FZD3: variants seen among roughly 807,000 people sequenced by gnomAD.
FZD3 encodes frizzled-3.
FZD3 carries 30 observed loss-of-function variants against 60.7 expected under a neutral mutation model. The observed-to-expected ratio is 0.49, with a 90% CI of 0.37 to 0.67. The LOEUF is 0.67. Among genes scored for constraint, FZD3 ranks in the 30% least tolerant of loss-of-function variants. The pLI is 0.00. For synonymous variants in FZD3, 246 were observed against 275.2 expected, an observed-to-expected ratio of 0.89 and a Z score of 1.05; for missense variants, 605 against 838.7, an observed-to-expected ratio of 0.72 and a Z score of 3.44.
At chr8:28,521,309 C>T (rs1387360697) in intron 4 of FZD3, among the ~76,000 whole-genome samples, 1 of 151,906 alleles carries the variant, frequency 6.6e-6, no homozygotes, top group Non-Finnish European at 1.5e-5. Context: ...TGCAGTATAT[C>T]GACTATAAGC....
At chr8:28,525,680 C>G (rs1804697646) in intron 4 of FZD3, among the ~76,000 whole-genome samples, 1 of 152,014 alleles carries the variant, frequency 6.6e-6, no homozygotes, top group African/African-American at 2.4e-5. Context: ...AGATGAGAAG[C>G]CATTAGAGGG....
chr8:28,497,164 GT>G (rs1803865622), intron 1 of FZD3, among the ~76,000 whole-genome samples: 1 of 152,184 alleles, frequency 6.6e-6, no homozygotes, highest in African/African-American at 2.4e-5. Context: ...CTGTGTGTGT[GT>G]TTTAAGCCTT....
intron 3 of FZD3, 104 bp from the exon 4 acceptor site, chr8:28,520,534 C>A: frequency 1.4e-6 from 1 of 704,184 alleles, no homozygotes; most frequent in Admixed American, 2.9e-5. Flanking sequence ...TTTAATAACC[C>A]TCAGAATTTT....
chr8:28,525,911 A>G (rs912194716), intron 4 of FZD3, among the ~76,000 whole-genome samples: 5 of 90,782 alleles, frequency 5.5e-5, no homozygotes, highest in Non-Finnish European at 1.1e-4. Context: ...GGTAGATTTC[A>G]TAGGTATATG....
chr8:28,518,431 C>G (rs1281835469), intron 3 of FZD3, among the ~76,000 whole-genome samples: 1 of 152,254 alleles, frequency 6.6e-6, no homozygotes, highest in African/African-American at 2.4e-5. Context: ...GTCTCTGCCT[C>G]TGATTTGTCT....
At chr8:28,506,165 T>A (rs1326520575) in intron 3 of FZD3, among the ~76,000 whole-genome samples, 1 of 152,156 alleles carries the variant, frequency 6.6e-6, no homozygotes, top group Non-Finnish European at 1.5e-5. Context: ...CCACCTATTA[T>A]CAGGTATTTA....
intron 3 of FZD3, among the ~76,000 whole-genome samples, chr8:28,515,925 A>G (rs1251573920): frequency 6.6e-6 from 1 of 152,060 alleles, no homozygotes; most frequent in East Asian, 1.9e-4. Context: ...CAGGTTGCCA[A>G]TTTTTTTCTT....
chr8:28,499,822 CTT>C, intron 1 of FZD3, 109 bp from the exon 2 acceptor site: 1 of 151,952 alleles, frequency 6.6e-6, no homozygotes, highest in South Asian at 2.1e-4. Context: ...ATGTCCTTTG[CTT>C]ATTTTTCTAT....
chr8:28,525,724 G>T (rs1233561843), intron 4 of FZD3, among the ~76,000 whole-genome samples: 1 of 152,146 alleles, frequency 6.6e-6, no homozygotes, highest in African/African-American at 2.4e-5. Context: ...GTGAACACAG[G>T]AGCAGCATAT....
In FZD3 at chr8:28,527,653, T is replaced by C; in HGVS notation, c.893T>C (p.Met298Thr). Residue 298 changes from methionine (M) to threonine (T), a missense_variant, in exon 5 of 8, where the codon ATG becomes ACG. Transcript: ENST00000240093. This position sits in a 1 kb window ranked among gnomAD's most constrained non-coding sequence, Gnocchi z 5.0. ...MLFMILYFFT[M>T]AGSVWWVILT... ...TTTATGATACTCTATTTTTTTACTA[T>C]GGCTGGCAGTGTATGGTGGGTAATT... The C allele has an allele frequency of 6.2e-7, 1 of 1,614,128 alleles. No homozygotes were observed. Among genetic ancestry groups the C allele is most frequent in the Non-Finnish European group, 8.5e-7 (1 of 1,179,994 alleles).
chr8:28,503,785 A>G (rs763020934), intron 3 of FZD3, among the ~76,000 whole-genome samples: 1 of 152,316 alleles, frequency 6.6e-6, no homozygotes, highest in Admixed American at 6.5e-5. Flanking sequence ...GGTAATGACC[A>G]TAGGCTTTGA....
intron 1 of FZD3, among the ~76,000 whole-genome samples, chr8:28,499,502 A>G (rs909617257): frequency 2.0e-5 from 3 of 152,066 alleles, no homozygotes; most frequent in Admixed American, 6.6e-5. Context: ...GTTGTGCATC[A>G]TGTGTACTTA....
intron 5 of FZD3, among the ~76,000 whole-genome samples, chr8:28,543,402 A>G (rs1260667991): frequency 6.7e-6 from 1 of 150,220 alleles, no homozygotes; most frequent in African/African-American, 2.5e-5. Context: ...TTTTTTTGAG[A>G]TGGAGTGTCA....
chr8:28,533,170 T>C (rs1264595820), intron 5 of FZD3, among the ~76,000 whole-genome samples: 2 of 152,044 alleles, frequency 1.3e-5, no homozygotes, highest in African/African-American at 2.4e-5. Context: ...GTTCTTTTTT[T>C]CCCCCCATGA....
chr8:28,507,291 C>T (rs1400159588), intron 3 of FZD3, among the ~76,000 whole-genome samples: 2 of 151,952 alleles, frequency 1.3e-5, no homozygotes, highest in Non-Finnish European at 2.9e-5. Flanking sequence ...TATAGAGTTT[C>T]CCATAGTCTT....
rs755653602 is a variant in FZD3 at position 28,564,280 on chromosome 8, A to G, written c.*1269A>G. 1 of 152,266 alleles carries G rather than the reference A, an allele frequency of 6.6e-6. No homozygotes were observed. Among genetic ancestry groups the G allele is most frequent in the South Asian group, 2.1e-4 (1 of 4,820 alleles). The allele number at this position is 152,266 out of a possible 1,614,324, so 9.4% of individuals were successfully genotyped here. ...AACTGTAAAACTTATTAGGCATGAA[A>G]TCAATCAGAAGAGAAAGAAAAATGC... On this transcript the variant is annotated 3_prime_UTR_variant, in exon 8 of 8. Coordinates refer to ENST00000240093, the MANE Select transcript of FZD3 (RefSeq NM_017412.4).
intron 5 of FZD3, among the ~76,000 whole-genome samples, chr8:28,550,235 C>CA: frequency 6.6e-6 from 1 of 151,694 alleles, no homozygotes; most frequent in South Asian, 2.1e-4. Context: ...TGTTAAATTA[C>CA]ATTTTCCTAT....
rs1200497780 is a variant in FZD3, at chr8:28,565,899, A to C, written c.*2888A>C. On this transcript the variant is annotated 3_prime_UTR_variant, in exon 8 of 8. Transcript: ENST00000240093. Reference sequence around the variant, plus strand: ...TAGTGTTTTCTTTTTTCAGTTGACAACTGAGAAAATAATAGTTCTCTCTAA... The same window carrying C: ...TAGTGTTTTCTTTTTTCAGTTGACACCTGAGAAAATAATAGTTCTCTCTAA... The C allele has an allele frequency of 6.6e-6, 1 of 152,258 alleles. No individual in the cohort carries two copies. Among genetic ancestry groups the C allele is most frequent in the South Asian group, 2.1e-4 (1 of 4,828 alleles). The allele number at this position is 152,258 out of a possible 1,614,324, so 9.4% of individuals were successfully genotyped here.
At chr8:28,511,091 C>T (rs1377080807) in intron 3 of FZD3, among the ~76,000 whole-genome samples, 1 of 151,862 alleles carries the variant, frequency 6.6e-6, no homozygotes, top group Non-Finnish European at 1.5e-5. Context: ...GTGGCTCATG[C>T]CTGTAATCCC....
Sources: allele counts gnomAD v4.1 joint callset (sites outside exome capture counted in the v4.1 genomes callset), GRCh38; gene constraint gnomAD v4.1.1; non-coding constraint Gnocchi (gnomAD v3.1); transcripts MANE v1.5; gene names NCBI Gene and HGNC (gene_info 2026-07-23, HGNC 2026-07-21).